IL17RD: variants seen among roughly 807,000 people sequenced by gnomAD.
IL17RD encodes the protein interleukin 17 receptor D.
Under a neutral mutation model 80.5 loss-of-function variants are expected in IL17RD, and 52 were observed. The ratio of observed to expected loss-of-function variants is 0.65; its 90% CI spans 0.52 to 0.81. The LOEUF (loss-of-function observed/expected upper bound fraction) is 0.81. Among genes scored for constraint, IL17RD ranks in the 40% least tolerant of loss-of-function variants. IL17RD has a pLI of 0.00. For missense variants in IL17RD, 1,024 were observed against 955.1 expected, an observed-to-expected ratio of 1.07 and a Z score of -0.95; for synonymous variants, 416 against 391.8, an observed-to-expected ratio of 1.06 and a Z score of -0.73.
At chr3:57,111,971 A>AAAAG (rs1203465885) in intron 3 of IL17RD, among the ~76,000 whole-genome samples, 1 of 151,832 alleles carries the variant, frequency 6.6e-6, no homozygotes, top group South Asian at 2.1e-4. Context: ...CAAAAAAAAA[A>AAAAG]AAAGAAAGAA....
chr3:57,161,274 G>A (rs1317271760), intron 1 of IL17RD, among the ~76,000 whole-genome samples: 2 of 152,214 alleles, frequency 1.3e-5, no homozygotes, highest in Non-Finnish European at 2.9e-5. Flanking sequence ...TGTGGGCTTA[G>A]GAGCCATGAG....
chr3:57,128,052 G>C (rs1559477698), intron 1 of IL17RD, among the ~76,000 whole-genome samples: 1 of 152,232 alleles, frequency 6.6e-6, no homozygotes, highest in Non-Finnish European at 1.5e-5. Flanking sequence ...GCCTGGATCT[G>C]TTCAAGATAT....
In IL17RD at chr3:57,108,875, C is replaced by T. The variant is rs1214105697; in HGVS notation, c.550+662G>A. On this transcript the variant is annotated intron_variant, in intron 5 of 12. Transcript: ENST00000296318. ...ATGTTGCCCAGGCTAGCCTCAAACT[C>T]GTGGGCTCAAGTGATCCTGCTGCCT... Among the ~76,000 whole-genome samples, 5 of 152,040 alleles carry T rather than the reference C, an allele frequency of 3.3e-5. No individual in the cohort carries two copies. In the South Asian group the frequency reaches 6.2e-4, roughly 19 times the overall value.
Position 57,126,847 on chromosome 3 carries a change from C to T in IL17RD, c.127-6534G>A, listed in dbSNP as rs182398912. On this transcript the variant is annotated intron_variant, in intron 1 of 12. Coordinates refer to ENST00000296318, the MANE Select transcript of IL17RD (RefSeq NM_017563.5). ...ATTGAGAAGACTTTTTTTTTTGAGG[C>T]GGAGTCTTGCTTAGTTGCCTAGGCT... 9.9e-4 allele frequency among the ~76,000 whole-genome samples: 149 copies of T among 151,190 alleles called. No individual in the cohort carries two copies. In the Middle Eastern group the frequency reaches 0.014, roughly 14 times the overall value.
At chr3:57,132,333 G>T (rs1185860655) in intron 1 of IL17RD, among the ~76,000 whole-genome samples, 1 of 151,070 alleles carries the variant, frequency 6.6e-6, no homozygotes, top group Non-Finnish European at 1.5e-5. Context: ...GGTGGCACCT[G>T]CCTGTAATCC....
intron 1 of IL17RD, among the ~76,000 whole-genome samples, chr3:57,130,877 C>G (rs1361391503): frequency 1.3e-5 from 2 of 152,202 alleles, no homozygotes; most frequent in African/African-American, 4.8e-5. Flanking sequence ...TCAGCAGTGC[C>G]GGCTCCAGGT....
chr3:57,114,318 G>A lies in IL17RD; in HGVS notation c.310+374C>T, dbSNP rs757167133. ...TGGGCTGGCATGTCTCTGTGTCCGC[G>A]GAGACTGCTAATGCTGGATGGCCAT... is the stretch of plus-strand genomic sequence containing the variant. On this transcript the variant is annotated intron_variant, in intron 3 of 12. Coordinates refer to ENST00000296318, the MANE Select transcript of IL17RD (RefSeq NM_017563.5). Among the ~76,000 whole-genome samples the A allele has an allele frequency of 2.3e-4, 35 of 152,140 alleles. 1 individual carries two copies. The highest frequency in any genetic ancestry group is 8.3e-4 in the South Asian group (4 of 4,824).
chr3:57,106,167 TA>T lies in IL17RD; in HGVS notation c.551-14del, dbSNP rs542532319. The T allele has an allele frequency of 6.9e-4, 1,104 of 1,602,224 alleles. 7 individuals are homozygous for T. In the African/African-American group the frequency reaches 0.013, roughly 19 times the overall value. On this transcript the variant is annotated splice_polypyrimidine_tract_variant and intron_variant, in intron 5 of 12. Coordinates refer to ENST00000296318, the MANE Select transcript of IL17RD (RefSeq NM_017563.5). ...AACAGGTCACAGGCTATTAAGAGAA[TA>T]AAGATACATGTTTTTAGTTTTAGGA...
In IL17RD at chr3:57,097,966, C is replaced by T. The variant is rs1419092963; in HGVS notation, c.1737G>A (p.Leu579=). The T allele has an allele frequency of 1.2e-6, 2 of 1,614,024 alleles. No individual in the cohort carries two copies. Among genetic ancestry groups the T allele is most frequent in the Non-Finnish European group, 8.5e-7 (1 of 1,179,896 alleles). The change falls in exon 12 of 13, where the codon TTG becomes TTA. Residue 579 remains leucine (L), a synonymous_variant. Coordinates refer to ENST00000296318, the MANE Select transcript of IL17RD (RefSeq NM_017563.5). ...PPPLRYREPV[L]EKFDSGLVLN... is the part of the protein sequence containing the mutation. ...AAACCAAGCCCGAATCAAATTTCTC[C>T]AAGACTGGCTCCCGGTAGCGCAGTG...
intron 1 of IL17RD, among the ~76,000 whole-genome samples, chr3:57,161,096 C>T (rs1445180857): frequency 1.3e-5 from 2 of 152,166 alleles, no homozygotes; most frequent in Non-Finnish European, 2.9e-5. Flanking sequence ...GAAGAGTTCC[C>T]AATTAACTAG....
intron 1 of IL17RD, among the ~76,000 whole-genome samples, chr3:57,127,424 A>T (rs1392169049): frequency 1.2e-4 from 14 of 116,250 alleles, no homozygotes; most frequent in Admixed American, 3.6e-4. Context: ...TTTTTTTTTG[A>T]GATAAGAGTC....
chr3:57,135,971 T>C (rs1340763283), intron 1 of IL17RD, among the ~76,000 whole-genome samples: 1 of 152,230 alleles, frequency 6.6e-6, no homozygotes, highest in Non-Finnish European at 1.5e-5. Flanking sequence ...AACGCTGTTC[T>C]GCAGGGTAAC....
At chr3:57,164,611 G>T (rs1304399992) in intron 1 of IL17RD, among the ~76,000 whole-genome samples, 1 of 152,234 alleles carries the variant, frequency 6.6e-6, no homozygotes. Flanking sequence ...CAGAGGAGGG[G>T]TAGGAGTGGG....
intron 2 of IL17RD, 115 bp downstream of exon 2, chr3:57,120,141 C>T: frequency 1.3e-6 from 1 of 799,956 alleles, no homozygotes; most frequent in Non-Finnish European, 2.1e-6. Context: ...CAAACCTGAA[C>T]AGGTTCAGAA....
intron 1 of IL17RD, among the ~76,000 whole-genome samples, chr3:57,127,617 G>A (rs1034350748): frequency 6.6e-6 from 1 of 151,198 alleles, no homozygotes. Flanking sequence ...ATGTTAGTCA[G>A]CCTGGTCTCG....
chr3:57,166,541 C>CT (rs746792293), upstream of IL17RD, among the ~76,000 whole-genome samples: 5 of 151,348 alleles, frequency 3.3e-5, no homozygotes, highest in Admixed American at 6.6e-5. Context: ...ACAAACCTAC[C>CT]ACCACCACCA....
intron 1 of IL17RD, among the ~76,000 whole-genome samples, chr3:57,154,283 T>TACAC (rs1553628627): frequency 8.9e-5 from 10 of 112,912 alleles, no homozygotes; most frequent in East Asian, 9.4e-4. Context: ...TATATATATA[T>TACAC]ACACACACAC....
At chr3:57,115,318 A>G (rs1707192283) in intron 2 of IL17RD, among the ~76,000 whole-genome samples, 1 of 152,206 alleles carries the variant, frequency 6.6e-6, no homozygotes, top group African/African-American at 2.4e-5. Context: ...CAAGATTCTT[A>G]ACCCAGTTAG....
chr3:57,154,548 T>G (rs1036296592), intron 1 of IL17RD, among the ~76,000 whole-genome samples: 11 of 151,912 alleles, frequency 7.2e-5, no homozygotes, highest in Admixed American at 7.2e-4. Flanking sequence ...GAAAGCTCAG[T>G]AGATGGGAAA....
Sources: gnomAD v4.1 joint callset for allele counts (sites outside exome capture counted in the v4.1 genomes callset) on GRCh38, gnomAD v4.1.1 for gene constraint, MANE v1.5 for transcripts, NCBI Gene and HGNC (gene_info 2026-07-23, HGNC 2026-07-21) for gene names.